Variants in TRAK1 observed in about 807,000 individuals in gnomAD.
TRAK1 encodes the protein trafficking kinesin protein 1, also known as trafficking kinesin-binding protein 1.
TRAK1 carries 33 observed loss-of-function variants against 92.1 expected under a neutral mutation model. The observed-to-expected ratio is 0.36, with a 90% CI of 0.27 to 0.48. The LOEUF (loss-of-function observed/expected upper bound fraction) is 0.48, where lower values mean the gene tolerates loss of function less well. Ranked by LOEUF, TRAK1 falls within the 20% of genes least tolerant of loss-of-function variation. The probability of loss-of-function intolerance (pLI) is 0.99; values close to 1 mark genes in which losing one functional copy is unlikely to be tolerated. For synonymous variants in TRAK1, 521 were observed against 517.3 expected (o/e 1.01, Z -0.10); for missense variants, 1,123 against 1,257.9 (o/e 0.89, Z 1.62).
chr3:42,216,495 G>T (rs531146580), intron 14 of TRAK1, among the ~76,000 whole-genome samples: 1 of 152,190 alleles, frequency 6.6e-6, no homozygotes, highest in South Asian at 2.1e-4. Flanking sequence ...GTGAAAGTAA[G>T]AGTGGTTCTC....
chr3:42,089,459 G>T (rs1220141716), upstream of TRAK1, among the ~76,000 whole-genome samples: 1 of 152,070 alleles, frequency 6.6e-6, no homozygotes, highest in African/African-American at 2.4e-5. Context: ...CTTCTATAGA[G>T]ACCTGTAAGG....
At chr3:42,173,050 G>A (rs1702764000) in intron 2 of TRAK1, among the ~76,000 whole-genome samples, 1 of 152,056 alleles carries the variant, frequency 6.6e-6, no homozygotes, top group Non-Finnish European at 1.5e-5. Context: ...GGAGGCTGAG[G>A]TGGGAGAATC....
intron 1 of TRAK1, among the ~76,000 whole-genome samples, chr3:42,028,080 A>T (rs1052786091): frequency 1.2e-4 from 19 of 152,214 alleles, no homozygotes; most frequent in African/African-American, 4.3e-4. Flanking sequence ...CAAACTCCCG[A>T]CCTCAGGTGA....
chr3:42,088,717 C>T (rs758228011), upstream of TRAK1, among the ~76,000 whole-genome samples: 5 of 152,212 alleles, frequency 3.3e-5, no homozygotes, highest in Admixed American at 6.5e-5. Context: ...CTTCACTTTT[C>T]AGTGGTAGTT....
At chr3:42,015,300 T>G (rs2148873241) in intron 1 of TRAK1, among the ~76,000 whole-genome samples, 1 of 152,298 alleles carries the variant, frequency 6.6e-6, no homozygotes, top group East Asian at 1.9e-4. Context: ...TGAATCGGTT[T>G]AAAGCCCTTG....
At chr3:42,037,858 A>G (rs1346217398) in intron 1 of TRAK1, among the ~76,000 whole-genome samples, 1 of 152,224 alleles carries the variant, frequency 6.6e-6, no homozygotes, top group Non-Finnish European at 1.5e-5. Flanking sequence ...TGTGGATGAT[A>G]GCAGTATAGT....
intron 1 of TRAK1, among the ~76,000 whole-genome samples, chr3:42,018,451 A>C (rs1011020548): frequency 2.6e-5 from 4 of 152,180 alleles, no homozygotes; most frequent in African/African-American, 9.7e-5. Flanking sequence ...AGGATAGTCT[A>C]TCCAGAGGAA....
chr3:42,212,365 G>A, intron 14 of TRAK1: 2 of 985,442 alleles, frequency 2.0e-6, no homozygotes, highest in Non-Finnish European at 2.4e-6. Context: ...GAGACAGGAG[G>A]TGATGAACCT....
Position 42,223,024 on chromosome 3 carries a change from A to C in TRAK1, c.2149A>C (p.Arg717=). ...TPVATPCTPR[R]LSLAESFTNT... ...GGTGGCCACACCATGCACTCCACGG[A>C]GACTGAGCCTGGCTGAGTCCTTCAC... The change falls in exon 16 of 16, where the codon AGA becomes CGA. Residue 717 remains arginine (R), a synonymous_variant. Coordinates refer to ENST00000327628, the MANE Select transcript of TRAK1 (RefSeq NM_001042646.3). The surrounding 1 kb of genome is among the most constrained non-coding windows in gnomAD (Gnocchi z 6.1). 6.2e-7 allele frequency: 1 copy of C among 1,614,094 alleles called. No homozygotes were observed. Among genetic ancestry groups the C allele is most frequent in the Non-Finnish European group, 8.5e-7 (1 of 1,180,022 alleles).
chr3:42,061,147 C>A (rs1703421894), intron 1 of TRAK1, among the ~76,000 whole-genome samples: 1 of 152,100 alleles, frequency 6.6e-6, no homozygotes, highest in South Asian at 2.1e-4. Flanking sequence ...AGAAAAGTTA[C>A]AAAAAGTGTG....
chr3:42,076,124 A>T (rs1446503840), intron 1 of TRAK1, among the ~76,000 whole-genome samples: 2 of 148,716 alleles, frequency 1.3e-5, no homozygotes, highest in African/African-American at 5.0e-5. Flanking sequence ...GATTACAAGC[A>T]TGTGACTGCA....
chr3:42,111,557 G>A (rs1014395627), intron 1 of TRAK1, among the ~76,000 whole-genome samples: 7 of 151,952 alleles, frequency 4.6e-5, no homozygotes, highest in East Asian at 1.9e-4. Flanking sequence ...TACCATGCCC[G>A]GCTAATTTTT....
intron 13 of TRAK1, chr3:42,203,664 G>A: frequency 5.1e-6 from 5 of 985,190 alleles, no homozygotes; most frequent in Non-Finnish European, 4.8e-6. Context: ...TTACACTTAC[G>A]ATGCAAAGCC....
intron 1 of TRAK1, among the ~76,000 whole-genome samples, chr3:42,074,869 C>T (rs1031519897): frequency 1.3e-5 from 2 of 152,138 alleles, no homozygotes; most frequent in Non-Finnish European, 2.9e-5. Context: ...TTCAAGTAGG[C>T]CCCATCGTCT....
Position 42,050,205 on chromosome 3 carries a change from G to A in TRAK1, c.-519+36088G>A, listed in dbSNP as rs962877668. Among the ~76,000 whole-genome samples, 3 of 133,808 alleles carry A rather than the reference G, an allele frequency of 2.2e-5. No individual in the cohort carries two copies. In the South Asian group the frequency reaches 8.5e-4, roughly 38 times the overall value. 87.8% of individuals were successfully genotyped at this position (133,808 alleles called of 152,430 possible). ...AGGGTGGGGGGGTGTGAGAGTCGGG[G>A]GTCTTACACTGCTAAGTATAGATTT... On this transcript the variant is annotated intron_variant, in intron 1 of 16. Coordinates refer to the TRAK1 transcript ENST00000487159.
chr3:42,189,210 C>A, intron 6 of TRAK1, 86 bp downstream of exon 6: 1 of 997,634 alleles, frequency 1.0e-6, no homozygotes, highest in Non-Finnish European at 1.6e-6. Flanking sequence ...TGGTTAAGTG[C>A]CCTCCTCAAA....
chr3:42,193,965 C>G, intron 9 of TRAK1, 67 bp downstream of exon 9: 1 of 1,397,074 alleles, frequency 7.2e-7, no homozygotes, highest in Non-Finnish European at 9.9e-7. Flanking sequence ...CCTTCCCGGA[C>G]AGCTTTAGTC....
At chr3:42,078,870 G>C (rs1477253070) in intron 1 of TRAK1, among the ~76,000 whole-genome samples, 1 of 152,202 alleles carries the variant, frequency 6.6e-6, no homozygotes, top group African/African-American at 2.4e-5. Flanking sequence ...TGGAATGTGG[G>C]TGGGAGCCAC....
chr3:42,170,938 C>T (rs1457031956), intron 2 of TRAK1, among the ~76,000 whole-genome samples: 2 of 151,924 alleles, frequency 1.3e-5, no homozygotes, highest in Non-Finnish European at 2.9e-5. Flanking sequence ...ATTCTCCTGC[C>T]TCAGCCTCCC....
Sources: allele counts gnomAD v4.1 joint callset (sites outside exome capture counted in the v4.1 genomes callset), GRCh38; gene constraint gnomAD v4.1.1; non-coding constraint Gnocchi (gnomAD v3.1); transcripts MANE v1.5; gene names NCBI Gene and HGNC (gene_info 2026-07-23, HGNC 2026-07-21).